The following EYA2 variants were observed in gnomAD, a reference collection of about 807,000 sequenced individuals.
EYA2 encodes the protein EYA transcriptional coactivator and phosphatase 2, also known as protein phosphatase EYA2.
Under a neutral mutation model 69.2 loss-of-function variants are expected in EYA2, and 31 were observed. That is an observed-to-expected ratio of 0.45 (90% CI 0.34 to 0.60). The LOEUF (loss-of-function observed/expected upper bound fraction) is 0.60. EYA2 is among the 20% of genes least tolerant of loss of function. EYA2 has a pLI of 0.02. For missense variants in EYA2, 622 were observed against 701.2 expected, an observed-to-expected ratio of 0.89 and a Z score of 1.28; for synonymous variants, 257 against 279.4, an observed-to-expected ratio of 0.92 and a Z score of 0.80.
intron 10 of EYA2, among the ~76,000 whole-genome samples, chr20:47,157,287 G>A (rs1233579217): frequency 6.7e-6 from 1 of 148,782 alleles, no homozygotes; most frequent in African/African-American, 2.5e-5. Context: ...CCAGGAGGCG[G>A]AGGTTGCAGT....
chr20:46,972,437 G>A (rs902423311), intron 1 of EYA2, among the ~76,000 whole-genome samples: 2 of 152,216 alleles, frequency 1.3e-5, no homozygotes, highest in Non-Finnish European at 2.9e-5. Flanking sequence ...TTGGCACAGT[G>A]TCATGTGGTG....
At chr20:47,003,537 C>T (rs1251410491) in intron 3 of EYA2, among the ~76,000 whole-genome samples, 2 of 152,200 alleles carry the variant, frequency 1.3e-5, no homozygotes, top group Non-Finnish European at 2.9e-5. Flanking sequence ...GAAGACAAAG[C>T]GAGTGTGTTT....
At chr20:46,958,648 C>T (rs1979286889) in intron 1 of EYA2, among the ~76,000 whole-genome samples, 2 of 152,088 alleles carry the variant, frequency 1.3e-5, no homozygotes, top group African/African-American at 4.8e-5. Context: ...TTTCGTTACC[C>T]ATAAAGTACC....
chr20:47,044,885 C>T (rs2029951847), intron 5 of EYA2, among the ~76,000 whole-genome samples: 1 of 152,170 alleles, frequency 6.6e-6, no homozygotes, highest in African/African-American at 2.4e-5. Flanking sequence ...TACACTGCTT[C>T]TCACTGTACT....
chr20:47,131,396 A>G (rs1208971948), intron 9 of EYA2, among the ~76,000 whole-genome samples: 1 of 152,218 alleles, frequency 6.6e-6, no homozygotes, highest in Non-Finnish European at 1.5e-5. Flanking sequence ...CCACTGCCCT[A>G]AAACAGATTC....
intron 4 of EYA2, among the ~76,000 whole-genome samples, chr20:47,015,766 A>G (rs1226962796): frequency 2.0e-5 from 3 of 152,192 alleles, no homozygotes; most frequent in East Asian, 1.9e-4. Context: ...CACAACTGCA[A>G]TGAGAAAATA....
At chr20:46,953,408 G>A (rs148181510) in intron 1 of EYA2, among the ~76,000 whole-genome samples, 5 of 152,252 alleles carry the variant, frequency 3.3e-5, no homozygotes, top group East Asian at 1.9e-4. Flanking sequence ...TTTCCTGTTC[G>A]GTGGAAAGGA....
intron 10 of EYA2, among the ~76,000 whole-genome samples, chr20:47,163,321 G>A (rs140631343): frequency 1.4e-4 from 22 of 152,034 alleles, no homozygotes; most frequent in East Asian, 9.7e-4. Context: ...GTAAGCCACC[G>A]CGCCCAGCCG....
At chr20:47,021,259 A>G (rs1983727714) in intron 5 of EYA2, among the ~76,000 whole-genome samples, 1 of 152,172 alleles carries the variant, frequency 6.6e-6, no homozygotes, top group Non-Finnish European at 1.5e-5. Context: ...AGAAAAGAGG[A>G]ATACTAATCT....
intron 1 of EYA2, among the ~76,000 whole-genome samples, chr20:46,919,863 C>T (rs1356128674): frequency 3.3e-5 from 5 of 152,158 alleles, no homozygotes; most frequent in South Asian, 2.1e-4. Flanking sequence ...GAAAGCCATG[C>T]GACTCTTCCT....
At chr20:47,120,200 T>C (rs965563129) in intron 9 of EYA2, among the ~76,000 whole-genome samples, 1 of 151,222 alleles carries the variant, frequency 6.6e-6, no homozygotes, top group Non-Finnish European at 1.5e-5. Context: ...AGAGCAAGAC[T>C]CCGCCTCAAA....
intron 10 of EYA2, among the ~76,000 whole-genome samples, chr20:47,160,033 G>C (rs1202991975): frequency 6.6e-6 from 1 of 152,196 alleles, no homozygotes; most frequent in Non-Finnish European, 1.5e-5. Flanking sequence ...CATGGAGCCA[G>C]GTTCCACTGT....
intron 3 of EYA2, among the ~76,000 whole-genome samples, chr20:47,004,294 C>G (rs1177918449): frequency 6.6e-6 from 1 of 152,190 alleles, no homozygotes. Flanking sequence ...ATTCCCAGGG[C>G]AGAGTCTGAT....
At chr20:47,000,568 A>G (rs1982300442) in intron 2 of EYA2, among the ~76,000 whole-genome samples, 1 of 152,204 alleles carries the variant, frequency 6.6e-6, no homozygotes, top group Non-Finnish European at 1.5e-5. Flanking sequence ...TGCAGTGAGG[A>G]CATTGAGTTG....
intron 7 of EYA2, among the ~76,000 whole-genome samples, chr20:47,078,327 G>GCA (rs1249113834): frequency 0.045 from 3,482 of 78,016 alleles, 55 homozygotes; most frequent in African/African-American, 0.068. Context: ...GTGCGCGCGC[G>GCA]CGCGCACACA....
rs570783990 is a variant in EYA2 at position 47,099,923 on chromosome 20, C to A, written c.888+2755C>A. Among the ~76,000 whole-genome samples, 32 of 152,210 alleles carry A rather than the reference C, an allele frequency of 2.1e-4. No individual in the cohort carries two copies. In the South Asian group the frequency reaches 6.0e-3, roughly 29 times the overall value. ...CCCCAACCACGCGCAGTACACAGGG[C>A]AGAATTGCTCAATAAATATTTGTTG... On this transcript the variant is annotated intron_variant, in intron 9 of 15. Transcript: ENST00000327619.
chr20:47,125,453 T>C, intron 9 of EYA2, among the ~76,000 whole-genome samples: 1 of 152,196 alleles, frequency 6.6e-6, no homozygotes, highest in Middle Eastern at 3.2e-3. Context: ...TTAACTTTAC[T>C]GTTTAAACAT....
At chr20:47,057,065 A>AAGGG (rs1180817030) in intron 5 of EYA2, among the ~76,000 whole-genome samples, 6 of 114,936 alleles carry the variant, frequency 5.2e-5, no homozygotes, top group Admixed American at 3.5e-4. Context: ...AGGGAGAAAG[A>AAGGG]AGGGAGGGAG....
chr20:46,932,254 A>G (rs573526618), intron 1 of EYA2, among the ~76,000 whole-genome samples: 1 of 151,928 alleles, frequency 6.6e-6, no homozygotes, highest in South Asian at 2.1e-4. Context: ...CACCTGGCGT[A>G]CCCTCTTTTA....
Sources: gnomAD v4.1 joint callset for allele counts (sites outside exome capture counted in the v4.1 genomes callset) on GRCh38, gnomAD v4.1.1 for gene constraint, MANE v1.5 for transcripts, NCBI Gene and HGNC (gene_info 2026-07-23, HGNC 2026-07-21) for gene names.